Variants in RYR3 observed in about 807,000 individuals in gnomAD.
The protein encoded by RYR3 is ryanodine receptor 3, also known as brain ryanodine receptor-calcium release channel.
In RYR3, 207 loss-of-function variants were observed where a neutral mutation model predicts 584.3. The observed-to-expected ratio is 0.35, with a 90% CI of 0.32 to 0.40. The LOEUF (loss-of-function observed/expected upper bound fraction) is 0.40, where lower values mean the gene tolerates loss of function less well. Ranked by LOEUF, RYR3 falls within the 10% of genes least tolerant of loss-of-function variation. RYR3 has a pLI of 1.00. For missense variants in RYR3, 5,616 were observed against 6,089.2 expected, an observed-to-expected ratio of 0.92 and a Z score of 2.59; for synonymous variants, 2,416 against 2,248.5, an observed-to-expected ratio of 1.07 and a Z score of -2.11.
chr15:33,586,880 A>G lies in RYR3; in HGVS notation c.1788+764A>G, dbSNP rs564162660. 5.9e-5 allele frequency among the ~76,000 whole-genome samples: 9 copies of G among 152,202 alleles called. No individual in the cohort carries two copies. The South Asian group carries it at 1.7e-3, about 28-fold the overall frequency. On this transcript the variant is annotated intron_variant, in intron 16 of 103. Coordinates refer to ENST00000634891, the MANE Select transcript of RYR3 (RefSeq NM_001036.6). Reference sequence around the variant, plus strand: ...ACACACGGGGACTATCGTGCTAATTAGTGGCCAGACGCGATATTCAACGGC... The same window carrying G: ...ACACACGGGGACTATCGTGCTAATTGGTGGCCAGACGCGATATTCAACGGC...
At chr15:33,446,555 G>C (rs767816566) in intron 1 of RYR3, among the ~76,000 whole-genome samples, 4 of 152,166 alleles carry the variant, frequency 2.6e-5, no homozygotes, top group Admixed American at 6.5e-5. Context: ...TCTTCACATG[G>C]TCGGCCCTCT....
intron 43 of RYR3, among the ~76,000 whole-genome samples, chr15:33,707,299 C>A (rs372299264): frequency 2.0e-5 from 3 of 152,072 alleles, no homozygotes; most frequent in African/African-American, 7.2e-5. Flanking sequence ...CCAGGTCCAG[C>A]AAGAAACTCA....
At chr15:33,322,659 G>T (rs928941484) in intron 1 of RYR3, among the ~76,000 whole-genome samples, 1 of 151,976 alleles carries the variant, frequency 6.6e-6, no homozygotes, top group Non-Finnish European at 1.5e-5. Context: ...TCATAATTAG[G>T]CATGATGGTA....
In RYR3 at chr15:33,562,877, T is replaced by C. The variant is rs1276561183; in HGVS notation, c.1013T>C (p.Ile338Thr). 2 of 1,613,438 alleles carry C rather than the reference T, an allele frequency of 1.2e-6. No homozygotes were observed. The highest frequency in any genetic ancestry group is 3.3e-5 in the Admixed American group (2 of 59,994). The change falls in exon 11 of 104, where the codon ATA (isoleucine) becomes ACA (threonine). Residue 338 changes from isoleucine to threonine, a missense_variant. This residue lies in a region of RYR3 where 1,284 missense variants were observed against 1,344.6 expected (regional missense o/e 0.95). Coordinates refer to ENST00000634891, the MANE Select transcript of RYR3 (RefSeq NM_001036.6). The part of the protein sequence containing the change: ...EKLDSSHKRD[I>T]EGMGVPEIKY... Reference sequence around the variant, plus strand: ...TTAGACTCCAGTCACAAGCGAGACATAGAAGGCATGGGAGTTCCAGAAATC... The same window carrying C: ...TTAGACTCCAGTCACAAGCGAGACACAGAAGGCATGGGAGTTCCAGAAATC...
intron 52 of RYR3, among the ~76,000 whole-genome samples, chr15:33,744,551 A>T (rs1279590312): frequency 1.3e-5 from 2 of 152,202 alleles, no homozygotes; most frequent in Non-Finnish European, 2.9e-5. Context: ...GGTGAGCATG[A>T]GCACAGGATT....
chr15:33,751,579 G>GT (rs200252156), intron 57 of RYR3, among the ~76,000 whole-genome samples: 61,441 of 147,694 alleles, frequency 0.42, 14,034 homozygotes, highest in Admixed American at 0.57. Context: ...TTTTGATGAG[G>GT]TTTTTTTTTT....
At chr15:33,620,258 A>G (rs148884246) in intron 19 of RYR3, among the ~76,000 whole-genome samples, 29 of 152,218 alleles carry the variant, frequency 1.9e-4, no homozygotes, top group African/African-American at 6.3e-4. Flanking sequence ...GTCCCTCAGT[A>G]AACTCCAGAG....
chr15:33,347,456 T>C (rs959573880), intron 1 of RYR3, among the ~76,000 whole-genome samples: 2 of 151,992 alleles, frequency 1.3e-5, no homozygotes, highest in African/African-American at 4.8e-5. Flanking sequence ...GGAGCTTTTT[T>C]TTTTTTTTGA....
intron 47 of RYR3, among the ~76,000 whole-genome samples, chr15:33,729,413 C>A (rs912506593): frequency 6.6e-6 from 1 of 152,072 alleles, no homozygotes; most frequent in Non-Finnish European, 1.5e-5. Flanking sequence ...CCCTCGGGGA[C>A]AAAATCACCC....
intron 81 of RYR3, 90 bp from the exon 82 acceptor site, chr15:33,825,513 A>C (rs983748184): frequency 2.5e-6 from 2 of 786,816 alleles, no homozygotes; most frequent in African/African-American, 3.5e-5. Context: ...CAGGGGCAGG[A>C]TATGCTTAGT....
chr15:33,396,663 C>T (rs541079777), intron 1 of RYR3, among the ~76,000 whole-genome samples: 29 of 152,216 alleles, frequency 1.9e-4, no homozygotes, highest in Admixed American at 3.9e-4. Context: ...AGGCTGGCCT[C>T]AGAGATAGTG....
Position 33,835,013 on chromosome 15 carries a change from TG to T in RYR3, c.11512del (p.Asp3838ThrfsTer15). On this transcript the variant is annotated frameshift_variant, in exon 87 of 104. Transcript: ENST00000634891. LOFTEE classifies it high-confidence loss of function. Reference protein sequence around the residue: ...NQQSLAHSRLWDAVVGFLHVF... With the variant: ...NQQSLAHSRLXDAVVGFLHVF... ...ACAGAGCCTGGCTCACAGCAGGCTG[TG>T]GGACGCAGTGGTTGGCTTCCTCCAT... 6.2e-7 allele frequency: 1 copy of T among 1,613,996 alleles called. No homozygotes were observed. Among genetic ancestry groups the T allele is most frequent in the Non-Finnish European group, 8.5e-7 (1 of 1,179,874 alleles).
chr15:33,425,289 G>C (rs1022997156), intron 1 of RYR3, among the ~76,000 whole-genome samples: 1 of 152,206 alleles, frequency 6.6e-6, no homozygotes, highest in African/African-American at 2.4e-5. Flanking sequence ...CTGTGGCTTT[G>C]AGGAATGTAA....
At chr15:33,530,751 C>T (rs1305763753) in intron 4 of RYR3, 85 bp downstream of exon 4, 18 of 981,452 alleles carry the variant, frequency 1.8e-5, no homozygotes, top group African/African-American at 8.0e-5. Flanking sequence ...GCAATAACAA[C>T]GTAACAGCAG....
intron 1 of RYR3, among the ~76,000 whole-genome samples, chr15:33,433,357 C>A (rs1410452295): frequency 6.6e-6 from 1 of 152,096 alleles, no homozygotes; most frequent in Non-Finnish European, 1.5e-5. Flanking sequence ...CATTAGCAGA[C>A]CATTAATGCA....
At chr15:33,629,672 A>T (rs1206638120) in intron 21 of RYR3, among the ~76,000 whole-genome samples, 1 of 152,264 alleles carries the variant, frequency 6.6e-6, no homozygotes, top group African/African-American at 2.4e-5. Flanking sequence ...TGGCTGCCAC[A>T]TGTAGCACTG....
chr15:33,841,801 C>T, intron 90 of RYR3, 63 bp from the exon 91 acceptor site: 2 of 1,499,078 alleles, frequency 1.3e-6, no homozygotes, highest in Non-Finnish European at 1.8e-6. Flanking sequence ...TTAATCTAGT[C>T]TCCCTTTTTG....
At chr15:33,394,976 G>A (rs1049293915) in intron 1 of RYR3, among the ~76,000 whole-genome samples, 14 of 151,984 alleles carry the variant, frequency 9.2e-5, no homozygotes, top group Admixed American at 2.6e-4. Flanking sequence ...ACTGATACCC[G>A]GGTCCCAATC....
intron 43 of RYR3, among the ~76,000 whole-genome samples, chr15:33,710,931 A>G (rs1396788921): frequency 6.6e-6 from 1 of 152,194 alleles, no homozygotes; most frequent in African/African-American, 2.4e-5. Context: ...CTCTGGGCCT[A>G]TGATGGGAGG....
Sources: gnomAD v4.1 joint callset for allele counts (sites outside exome capture counted in the v4.1 genomes callset) on GRCh38, gnomAD v4.1.1 for gene constraint, gnomAD v4.1.1 regional missense constraint, MANE v1.5 for transcripts, NCBI Gene and HGNC (gene_info 2026-07-23, HGNC 2026-07-21) for gene names.